JAZF1: variants seen among roughly 807,000 people sequenced by gnomAD.
JAZF1 encodes juxtaposed with another zinc finger protein 1.
Under a neutral mutation model 26.4 loss-of-function variants are expected in JAZF1, and 8 were observed. The observed-to-expected ratio is 0.30, with a 90% CI of 0.18 to 0.55. The LOEUF (loss-of-function observed/expected upper bound fraction) is 0.55, where lower values mean the gene tolerates loss of function less well. Ranked by LOEUF, JAZF1 falls within the 20% of genes least tolerant of loss-of-function variation. The pLI is 0.94. For missense variants in JAZF1, 199 were observed against 322.0 expected (o/e 0.62, Z 2.92); for synonymous variants, 126 against 122.3 (o/e 1.03, Z -0.20).
At chr7:28,151,676 C>A (rs1783113731) in intron 1 of JAZF1, among the ~76,000 whole-genome samples, 1 of 151,774 alleles carries the variant, frequency 6.6e-6, no homozygotes, top group African/African-American at 2.4e-5. Context: ...ATGGCGCATG[C>A]CTGTAATCCC....
rs910441608 is a variant in JAZF1, at chr7:27,890,382, G to C, written c.385+4838C>G. 2.0e-5 allele frequency among the ~76,000 whole-genome samples: 3 copies of C among 152,226 alleles called. No individual in the cohort carries two copies. The South Asian group carries it at 6.2e-4, about 31-fold the overall frequency. On this transcript the variant is annotated intron_variant, in intron 3 of 4. Coordinates refer to ENST00000283928, the MANE Select transcript of JAZF1 (RefSeq NM_175061.4). ...GTCCTTCTGTTATGACATGCTGTTT[G>C]AATGGTAGAGCTGTGTGAAAATGAA...
chr7:27,841,775 G>A (rs1309272390), intron 3 of JAZF1: 1 of 152,138 alleles, frequency 6.6e-6, no homozygotes, highest in African/African-American at 2.4e-5. Flanking sequence ...GAGGCCCAAA[G>A]CCATTTATTT....
At chr7:27,873,062 T>G (rs1476847818) in intron 3 of JAZF1, among the ~76,000 whole-genome samples, 1 of 152,150 alleles carries the variant, frequency 6.6e-6, no homozygotes, top group Non-Finnish European at 1.5e-5. Context: ...AGCGACGGGG[T>G]AGGTTTCTAT....
intron 4 of JAZF1, among the ~76,000 whole-genome samples, chr7:27,835,450 T>G (rs972638508): frequency 3.9e-5 from 6 of 152,310 alleles, no homozygotes; most frequent in African/African-American, 1.4e-4. Flanking sequence ...AAACATTATG[T>G]TGTGTGTCTG....
At position 28,161,257 on chromosome 7, in the gene JAZF1, T is replaced by TAAAA. The variant is rs10630786; in HGVS notation, c.115+19202_115+19205dup. Among the ~76,000 whole-genome samples the TAAAA allele has an allele frequency of 1.9e-3, 146 of 77,120 alleles. 3 individuals carry two copies. Among genetic ancestry groups the TAAAA allele is most frequent in the Non-Finnish European group, 2.4e-3 (102 of 41,984 alleles). The allele number at this position is 77,120 out of a possible 152,430, so 50.6% of individuals were successfully genotyped here. The stretch of plus-strand genomic sequence containing the variant: ...TTTTAACTTGAAAAATCCTTTAATC[T>TAAAA]AAAAAAAAAAAAAAAAAAAAAAAAG... On this transcript the variant is annotated intron_variant, in intron 1 of 4. Transcript: ENST00000283928.
intron 1 of JAZF1, among the ~76,000 whole-genome samples, chr7:28,019,756 T>G (rs761497471): frequency 7.9e-5 from 12 of 152,106 alleles, no homozygotes; most frequent in Non-Finnish European, 1.6e-4. Context: ...CTGAATGGAT[T>G]CTTAAGACTC....
intron 2 of JAZF1, among the ~76,000 whole-genome samples, chr7:27,991,282 T>G (rs766046001): frequency 4.6e-5 from 7 of 152,338 alleles, no homozygotes; most frequent in Non-Finnish European, 1.0e-4. Context: ...TTTCTTAACC[T>G]AAGTTGATTT....
chr7:27,984,759 G>A (rs1228094904), intron 2 of JAZF1, among the ~76,000 whole-genome samples: 1 of 152,186 alleles, frequency 6.6e-6, no homozygotes, highest in African/African-American at 2.4e-5. Flanking sequence ...CTGTCTCTCA[G>A]ACCACAGTGC....
chr7:27,883,019 T>C (rs994192232), intron 3 of JAZF1, among the ~76,000 whole-genome samples: 1 of 152,186 alleles, frequency 6.6e-6, no homozygotes, highest in Non-Finnish European at 1.5e-5. Context: ...TGTTGCTCTC[T>C]TTAGCACTCA....
In JAZF1 at chr7:27,840,827, C is replaced by T. The variant is rs758412588; in HGVS notation, c.426G>A (p.Ser142=). 8 of 1,614,140 alleles carry T rather than the reference C, an allele frequency of 5.0e-6. No individual in the cohort carries two copies. The highest frequency in any genetic ancestry group is 2.2e-5 in the South Asian group (2 of 91,080). The change falls in exon 4 of 5, where the codon TCG becomes TCA. Residue 142 remains serine, a synonymous_variant. Transcript: ENST00000283928. The surrounding 1 kb of genome is among the most constrained non-coding windows in gnomAD (Gnocchi z 5.1). The stretch of plus-strand genomic sequence containing the variant: ...CTGTGGTCCAGGACTCATCGCTGTC[C>T]GACTCCTCATAGTCCACCTCCTCCT... ...YDEEEVDYEE[S]DSDESWTTES...
At chr7:28,124,915 A>G (rs1323614976) in intron 1 of JAZF1, among the ~76,000 whole-genome samples, 1 of 152,244 alleles carries the variant, frequency 6.6e-6, no homozygotes, top group Non-Finnish European at 1.5e-5. Context: ...GCTAAAAAAT[A>G]TACTTTCTCT....
chr7:28,179,859 G>T lies in JAZF1; in HGVS notation c.115+604C>A, dbSNP rs1172760530. On this transcript the variant is annotated intron_variant, in intron 1 of 4. Coordinates refer to ENST00000283928, the MANE Select transcript of JAZF1 (RefSeq NM_175061.4). ...CAACCGGCGCTGACAGGACGCAGTGGCGGCGGCGGCGGCGGGAGGAGGAAG... is the reference window on the plus strand; with the variant it reads ...CAACCGGCGCTGACAGGACGCAGTGTCGGCGGCGGCGGCGGGAGGAGGAAG... Among the ~76,000 whole-genome samples, 50 of 146,908 alleles carry T rather than the reference G, an allele frequency of 3.4e-4. 1 individual carries two copies. The highest frequency in any genetic ancestry group is 1.2e-3 in the African/African-American group (50 of 40,826).
At chr7:27,974,013 G>T (rs1785425156) in intron 2 of JAZF1, among the ~76,000 whole-genome samples, 1 of 152,148 alleles carries the variant, frequency 6.6e-6, no homozygotes, top group Admixed American at 6.5e-5. Context: ...TGGAAACAGG[G>T]GTGAGGAGAT....
intron 1 of JAZF1, among the ~76,000 whole-genome samples, chr7:28,084,919 T>C (rs543499019): frequency 1.7e-4 from 26 of 152,304 alleles, no homozygotes; most frequent in African/African-American, 5.5e-4. Context: ...TAGGTTCATA[T>C]GGGATTGGGG....
In JAZF1 at chr7:27,831,912, TAACTA is replaced by T. The variant is rs1305511678; in HGVS notation, c.*883_*887del. ...AAAACTTCATCTGAAGATGAAGATA[TAACTA>T]AACTTCACACACACACACTTTGCAC... On this transcript the variant is annotated 3_prime_UTR_variant, in exon 5 of 5. Coordinates refer to ENST00000283928, the MANE Select transcript of JAZF1 (RefSeq NM_175061.4). The T allele has an allele frequency of 2.3e-5, 5 of 218,458 alleles. No individual in the cohort carries two copies. The highest frequency in any genetic ancestry group is 1.2e-4 in the Admixed American group (2 of 17,236). The allele number at this position is 218,458 out of a possible 1,614,324, so 13.5% of individuals were successfully genotyped here. A position where few individuals can be genotyped will look rare whatever the true frequency, so the allele number is the denominator to read the frequency against.
intron 3 of JAZF1, among the ~76,000 whole-genome samples, chr7:27,892,484 G>A (rs939632376): frequency 3.3e-5 from 5 of 152,230 alleles, no homozygotes; most frequent in South Asian, 4.1e-4. Flanking sequence ...CTAGGCACCC[G>A]TCACTAATTG....
At chr7:27,839,220 C>T (rs1782877309) in intron 4 of JAZF1, among the ~76,000 whole-genome samples, 1 of 152,072 alleles carries the variant, frequency 6.6e-6, no homozygotes, top group Non-Finnish European at 1.5e-5. Flanking sequence ...ACTTGGCTCC[C>T]GCTTTTAACA....
intron 2 of JAZF1, among the ~76,000 whole-genome samples, chr7:27,963,084 C>A (rs1410032084): frequency 6.6e-6 from 1 of 152,122 alleles, no homozygotes; most frequent in East Asian, 1.9e-4. Context: ...TCAGATTGTG[C>A]TGCAAAGTTT....
chr7:28,024,606 C>T (rs1783062248), intron 1 of JAZF1, among the ~76,000 whole-genome samples: 1 of 152,092 alleles, frequency 6.6e-6, no homozygotes, highest in Non-Finnish European at 1.5e-5. Context: ...AGCCAAAGGA[C>T]CCTGAATGGA....
Sources: allele counts gnomAD v4.1 joint callset (sites outside exome capture counted in the v4.1 genomes callset), GRCh38; gene constraint gnomAD v4.1.1; non-coding constraint Gnocchi (gnomAD v3.1); transcripts MANE v1.5; gene names NCBI Gene and HGNC (gene_info 2026-07-23, HGNC 2026-07-21).